SEMA5A: variants seen among roughly 807,000 people sequenced by gnomAD.
SEMA5A encodes semaphorin 5A.
In SEMA5A, 55 loss-of-function variants were observed where a neutral mutation model predicts 135.5. That is an observed-to-expected ratio of 0.41 (90% CI 0.33 to 0.51). The LOEUF is 0.51. Among genes scored for constraint, SEMA5A ranks in the 20% least tolerant of loss-of-function variants. The pLI is 0.37. For synonymous variants in SEMA5A, 580 were observed against 546.5 expected (o/e 1.06, Z -0.85); for missense variants, 1,290 against 1,419.9 (o/e 0.91, Z 1.47).
At chr5:9,312,137 A>C (rs1245255191) in intron 5 of SEMA5A, among the ~76,000 whole-genome samples, 1 of 152,148 alleles carries the variant, frequency 6.6e-6, no homozygotes, top group African/African-American at 2.4e-5. Context: ...AATTAGTCTG[A>C]GGCCAGCTCC....
intron 5 of SEMA5A, among the ~76,000 whole-genome samples, chr5:9,311,725 C>T (rs1476790480): frequency 1.3e-5 from 2 of 151,622 alleles, no homozygotes. Flanking sequence ...CCCATGTACC[C>T]TAAAACTTAA....
intron 5 of SEMA5A, among the ~76,000 whole-genome samples, chr5:9,305,789 G>A (rs2150627143): frequency 6.6e-6 from 1 of 150,542 alleles, no homozygotes; most frequent in Non-Finnish European, 1.5e-5. Context: ...CATATATACT[G>A]AATTCTCCCC....
intron 5 of SEMA5A, among the ~76,000 whole-genome samples, chr5:9,300,718 GT>G (rs1751573244): frequency 6.6e-6 from 1 of 152,160 alleles, no homozygotes; most frequent in Admixed American, 6.5e-5. Context: ...GATAATCCTG[GT>G]GAATCCTAAA....
At chr5:9,067,438 C>A (rs926640762) in intron 16 of SEMA5A, among the ~76,000 whole-genome samples, 4 of 152,162 alleles carry the variant, frequency 2.6e-5, no homozygotes, top group African/African-American at 9.7e-5. Flanking sequence ...TACAGTGTGA[C>A]ATAATTTCTC....
At chr5:9,386,624 C>A (rs1755903701) in intron 2 of SEMA5A, among the ~76,000 whole-genome samples, 1 of 152,200 alleles carries the variant, frequency 6.6e-6, no homozygotes, top group South Asian at 2.1e-4. Context: ...TGACACCAGC[C>A]ACAGCGGCAG....
At chr5:9,224,132 C>T (rs552308409) in intron 8 of SEMA5A, among the ~76,000 whole-genome samples, 5 of 152,286 alleles carry the variant, frequency 3.3e-5, no homozygotes, top group Admixed American at 1.3e-4. Flanking sequence ...AGTGAATACT[C>T]GCCTCCTTAT....
At chr5:9,079,619 G>T (rs1738258713) in intron 16 of SEMA5A, among the ~76,000 whole-genome samples, 1 of 151,746 alleles carries the variant, frequency 6.6e-6, no homozygotes, top group Non-Finnish European at 1.5e-5. Context: ...CTACAGATGG[G>T]ATAAAATTTT....
chr5:9,474,273 T>A (rs559429404), intron 1 of SEMA5A, among the ~76,000 whole-genome samples: 42 of 152,036 alleles, frequency 2.8e-4, no homozygotes, highest in African/African-American at 9.4e-4. Context: ...TGAGGCCAGG[T>A]GCAAATGTGA....
chr5:9,322,845 G>A (rs749173284), intron 4 of SEMA5A, among the ~76,000 whole-genome samples: 1 of 151,626 alleles, frequency 6.6e-6, no homozygotes. Flanking sequence ...CACACACACA[G>A]AAACAAACAC....
chr5:9,315,852 A>C (rs1752365904), intron 5 of SEMA5A, among the ~76,000 whole-genome samples: 2 of 152,254 alleles, frequency 1.3e-5, no homozygotes, highest in African/African-American at 2.4e-5. Flanking sequence ...TCAAGTTATA[A>C]GTTTTCCTGT....
At chr5:9,439,622 G>A (rs1018381703) in intron 1 of SEMA5A, among the ~76,000 whole-genome samples, 1 of 152,092 alleles carries the variant, frequency 6.6e-6, no homozygotes, top group Non-Finnish European at 1.5e-5. Flanking sequence ...GCAGAATATG[G>A]GTCAGTCTCT....
chr5:9,042,665 A>C lies in SEMA5A; in HGVS notation c.*232T>G. The C allele has an allele frequency of 2.1e-6, 1 of 482,118 alleles. No individual in the cohort carries two copies. The highest frequency in any genetic ancestry group is 3.6e-6 in the Non-Finnish European group (1 of 275,332). 29.9% of individuals were successfully genotyped at this position (482,118 alleles called of 1,614,324 possible). A position where few individuals can be genotyped will look rare whatever the true frequency, so the allele number is the denominator to read the frequency against. ...GAAAAATAGGATGAACACAATTAAA[A>C]ACTTCACACCCTGGCTCATTCAACA... On this transcript the variant is annotated 3_prime_UTR_variant, in exon 23 of 23. Transcript: ENST00000382496.
At position 9,265,625 on chromosome 5, in the gene SEMA5A, C is replaced by G. The variant is rs1749647859; in HGVS notation, c.271-27735G>C. 3.2e-5 allele frequency: 14 copies of G among 442,670 alleles called. 1 individual carries two copies. The highest frequency in any genetic ancestry group is 2.2e-4 in the South Asian group (14 of 63,706). 27.4% of individuals were successfully genotyped at this position (442,670 alleles called of 1,614,324 possible). A position where few individuals can be genotyped will look rare whatever the true frequency, so the allele number is the denominator to read the frequency against. On this transcript the variant is annotated intron_variant, in intron 5 of 22. Transcript: ENST00000382496. ...CCCATGTTCAGCTATCCCCATAACT[C>G]TAGGGCAAGGGATCCCTCCCTCACG...
chr5:9,210,362 G>A (rs1213252470), intron 8 of SEMA5A, among the ~76,000 whole-genome samples: 1 of 152,152 alleles, frequency 6.6e-6, no homozygotes, highest in East Asian at 1.9e-4. Flanking sequence ...ACTGACTCAT[G>A]TCACTTAACC....
intron 21 of SEMA5A, among the ~76,000 whole-genome samples, chr5:9,047,949 G>GTAAC (rs1736360164): frequency 6.6e-6 from 1 of 152,138 alleles, no homozygotes; most frequent in South Asian, 2.1e-4. Context: ...CTTCCACAGG[G>GTAAC]TAACTGTGAG....
chr5:9,162,564 GTATA>G (rs779776274), intron 11 of SEMA5A, among the ~76,000 whole-genome samples: 1 of 84,012 alleles, frequency 1.2e-5, no homozygotes, highest in Non-Finnish European at 2.7e-5. Flanking sequence ...GTGTGTGTGT[GTATA>G]TATATATATA....
chr5:9,497,644 A>T (rs1034031345), intron 1 of SEMA5A, among the ~76,000 whole-genome samples: 25 of 152,248 alleles, frequency 1.6e-4, no homozygotes, highest in African/African-American at 5.5e-4. Flanking sequence ...TCTTCAAAAA[A>T]CCCTATGTGG....
intron 3 of SEMA5A, among the ~76,000 whole-genome samples, chr5:9,352,545 T>C (rs748230593): frequency 7.9e-5 from 12 of 152,156 alleles, no homozygotes; most frequent in Non-Finnish European, 1.5e-4. Context: ...CCACCATACC[T>C]GGCCCAATTT....
At position 9,035,147 on chromosome 5, in the gene SEMA5A, A is replaced by T. The variant is rs1282247627; in HGVS notation, c.*7750T>A. On this transcript the variant is annotated 3_prime_UTR_variant, in exon 23 of 23. Transcript: ENST00000382496. ...ACAATTTATACTGTACACAATCAGG[A>T]TTCCCTTGTTTTGTTCCCCCCACAA... 2 of 152,528 alleles carry T rather than the reference A, an allele frequency of 1.3e-5. No individual in the cohort carries two copies. Among genetic ancestry groups the T allele is most frequent in the Non-Finnish European group, 2.9e-5 (2 of 68,044 alleles). 9.4% of individuals were successfully genotyped at this position (152,528 alleles called of 1,614,324 possible).
Sources: allele counts gnomAD v4.1 joint callset (sites outside exome capture counted in the v4.1 genomes callset), GRCh38; gene constraint gnomAD v4.1.1; transcripts MANE v1.5; gene names NCBI Gene and HGNC (gene_info 2026-07-23, HGNC 2026-07-21).